RPTOR: variants seen among roughly 807,000 people sequenced by gnomAD.
RPTOR encodes the protein regulatory-associated protein of mTOR.
In RPTOR, 21 loss-of-function variants were observed where a neutral mutation model predicts 169.9. The observed-to-expected ratio is 0.12, with a 90% CI of 0.09 to 0.18. The LOEUF (loss-of-function observed/expected upper bound fraction) is 0.18. Among genes scored for constraint, RPTOR ranks in the 10% least tolerant of loss-of-function variants. The pLI, the probability that RPTOR is intolerant of heterozygous loss-of-function variation, is 1.00. For synonymous variants in RPTOR, 732 were observed against 753.2 expected (o/e 0.97, Z 0.46); for missense variants, 1,133 against 1,855.9 (o/e 0.61, Z 7.16).
intron 22 of RPTOR, 34 bp from the exon 23 acceptor site, chr17:80,923,456 G>T (rs778087439): frequency 6.2e-7 from 1 of 1,612,326 alleles, no homozygotes; most frequent in Non-Finnish European, 8.5e-7. Context: ...AGACTCTGCA[G>T]AGGATGCAGT....
chr17:80,857,918 C>T lies in RPTOR; in HGVS notation c.1509+18C>T. On this transcript the variant is annotated intron_variant, in intron 13 of 33. Coordinates refer to ENST00000306801, the MANE Select transcript of RPTOR (RefSeq NM_020761.3). ...TGGACAGCGTGAGTATCCCCGCCCTCCTCCCCAGAGTGATGTGAACCTGCC... is the reference window on the plus strand; with the variant it reads ...TGGACAGCGTGAGTATCCCCGCCCTTCTCCCCAGAGTGATGTGAACCTGCC... 5 of 1,590,592 alleles carry T rather than the reference C, an allele frequency of 3.1e-6. No individual in the cohort carries two copies. Among genetic ancestry groups the T allele is most frequent in the South Asian group, 1.1e-5 (1 of 90,624 alleles).
chr17:80,888,750 C>T (rs569086175), intron 17 of RPTOR, among the ~76,000 whole-genome samples: 10 of 152,336 alleles, frequency 6.6e-5, no homozygotes, highest in South Asian at 2.1e-4. Flanking sequence ...TGCCACGTGC[C>T]GGGCCGGCTG....
At chr17:80,786,359 G>T (rs1415752049) in intron 6 of RPTOR, among the ~76,000 whole-genome samples, 4 of 151,892 alleles carry the variant, frequency 2.6e-5, no homozygotes, top group Non-Finnish European at 5.9e-5. Context: ...AGGAAACAAA[G>T]GAATTTTCAT....
chr17:80,661,846 G>C (rs557074452), intron 3 of RPTOR, among the ~76,000 whole-genome samples: 130 of 152,204 alleles, frequency 8.5e-4, no homozygotes, highest in African/African-American at 2.8e-3. Context: ...CGAGTCTCGT[G>C]GCATTTGGAC....
intron 1 of RPTOR, chr17:80,602,953 A>T (rs2065201450): frequency 5.1e-6 from 2 of 390,570 alleles, no homozygotes; most frequent in East Asian, 1.1e-4. Flanking sequence ...TGGAAAGGAA[A>T]AGGACAGTTG....
Position 80,963,785 on chromosome 17 carries a change from CCG to C in RPTOR, c.3940-476_3940-475del, listed in dbSNP as rs1434182808. Among the ~76,000 whole-genome samples, 752 of 144,280 alleles carry C rather than the reference CCG, an allele frequency of 5.2e-3. 38 individuals are homozygous for C. Among genetic ancestry groups the C allele is most frequent in the African/African-American group, 0.018 (665 of 36,772 alleles). The allele number at this position is 144,280 out of a possible 152,430, so 94.7% of individuals were successfully genotyped here. On this transcript the variant is annotated intron_variant, in intron 33 of 33. Coordinates refer to ENST00000306801, the MANE Select transcript of RPTOR (RefSeq NM_020761.3). ...CCCCGTCCCCTCTGCGGCCCTCACC[CCG>C]TCCCCTCTGCGGCCCTCACCCCGTC...
intron 15 of RPTOR, 97 bp from the exon 16 acceptor site, chr17:80,883,684 C>T (rs2068210571): frequency 7.1e-7 from 1 of 1,402,728 alleles, no homozygotes; most frequent in East Asian, 2.3e-5. Context: ...TCAAGGCTTC[C>T]CAAGAATGGG....
At chr17:80,821,234 C>T (rs533291539) in intron 7 of RPTOR, among the ~76,000 whole-genome samples, 1 of 152,342 alleles carries the variant, frequency 6.6e-6, no homozygotes, top group East Asian at 1.9e-4. Context: ...GCCTGGGCAA[C>T]ACAGTGGGAC....
In RPTOR at chr17:80,833,315, G is replaced by T. The variant is rs139955944; in HGVS notation, c.1137-4607G>T. Among the ~76,000 whole-genome samples, 16 of 152,300 alleles carry T rather than the reference G, an allele frequency of 1.1e-4. No homozygotes were observed. In the East Asian group the frequency reaches 2.5e-3, roughly 24 times the overall value. On this transcript the variant is annotated intron_variant, in intron 9 of 33. Transcript: ENST00000306801. ...AAGTCCCTCTGCCCCCAGCTGCTGG[G>T]GGGGAGGAGCCCACGATGCAGATGA...
At chr17:80,554,770 AAC>A (rs2084387419) in intron 1 of RPTOR, among the ~76,000 whole-genome samples, 5 of 47,544 alleles carry the variant, frequency 1.1e-4, no homozygotes, top group Non-Finnish European at 1.7e-4. Flanking sequence ...AAACAAAACA[AAC>A]AACAACAACA....
At chr17:80,848,253 CTGAG>C (rs2067754670) in intron 11 of RPTOR, among the ~76,000 whole-genome samples, 1 of 152,224 alleles carries the variant, frequency 6.6e-6, no homozygotes, top group Admixed American at 6.5e-5. Context: ...CAAGGCCAGC[CTGAG>C]CCACATAGGG....
intron 2 of RPTOR, among the ~76,000 whole-genome samples, chr17:80,628,766 A>C (rs2065415756): frequency 6.6e-6 from 1 of 152,174 alleles, no homozygotes. Context: ...ATGGATGCCC[A>C]GTACTGCACC....
At chr17:80,762,859 C>T (rs934222793) in intron 6 of RPTOR, among the ~76,000 whole-genome samples, 3 of 151,552 alleles carry the variant, frequency 2.0e-5, no homozygotes, top group African/African-American at 4.9e-5. Flanking sequence ...TAAAAAAAAA[C>T]GTAGAAAAGG....
intron 1 of RPTOR, among the ~76,000 whole-genome samples, chr17:80,624,795 C>T (rs760720571): frequency 2.0e-5 from 3 of 152,332 alleles, no homozygotes; most frequent in Non-Finnish European, 4.4e-5. Flanking sequence ...TGTCTTCCCT[C>T]ACTCAGCAGG....
At chr17:80,857,679 GTT>G in intron 12 of RPTOR, 109 bp from the exon 13 acceptor site, 1 of 673,332 alleles carries the variant, frequency 1.5e-6, no homozygotes, top group Non-Finnish European at 2.6e-6. Flanking sequence ...TTCCTGTTGC[GTT>G]TCCCATATGT....
At chr17:80,894,338 G>A (rs897056139) in intron 20 of RPTOR, among the ~76,000 whole-genome samples, 1 of 152,238 alleles carries the variant, frequency 6.6e-6, no homozygotes, top group African/African-American at 2.4e-5. Flanking sequence ...CCCACACAGT[G>A]TCCGCAGTGA....
rs879827984 is a variant in RPTOR, at chr17:80,554,784, CA to C, written c.162+9001del. On this transcript the variant is annotated intron_variant, in intron 1 of 33. Transcript: ENST00000306801. ...AAAACAAAACAAACAACAACAACAA[CA>C]AAAAAAATGAGAATCCAGTTGTCTT... 7.4e-5 allele frequency among the ~76,000 whole-genome samples: 11 copies of C among 147,928 alleles called. No individual in the cohort carries two copies. The East Asian group carries it at 1.7e-3, about 22-fold the overall frequency.
intron 2 of RPTOR, 124 bp from the exon 3 acceptor site, chr17:80,643,604 T>C (rs1282706802): frequency 4.5e-6 from 3 of 659,600 alleles, no homozygotes; most frequent in Non-Finnish European, 7.9e-6. Context: ...ACCTTAGGCG[T>C]TGTGTTACTT....
intron 23 of RPTOR, among the ~76,000 whole-genome samples, chr17:80,924,377 A>G (rs1175601792): frequency 6.6e-6 from 1 of 152,012 alleles, no homozygotes; most frequent in Non-Finnish European, 1.5e-5. Flanking sequence ...CATCTCAGCA[A>G]TGAGTGGGGT....
Sources: gnomAD v4.1 joint callset for allele counts (sites outside exome capture counted in the v4.1 genomes callset) on GRCh38, gnomAD v4.1.1 for gene constraint, MANE v1.5 for transcripts, NCBI Gene and HGNC (gene_info 2026-07-23, HGNC 2026-07-21) for gene names.